Variants in EDC3 observed in about 807,000 individuals in gnomAD.
EDC3 encodes the protein enhancer of mRNA-decapping protein 3.
Under a neutral mutation model 41.8 loss-of-function variants are expected in EDC3, and 20 were observed. The observed-to-expected ratio is 0.48, with a 90% CI of 0.34 to 0.70. The LOEUF (loss-of-function observed/expected upper bound fraction) is 0.70. Among genes scored for constraint, EDC3 ranks in the 30% least tolerant of loss-of-function variants. EDC3 has a pLI of 0.01. For missense variants in EDC3, 444 were observed against 636.8 expected (o/e 0.70, Z 3.26); for synonymous variants, 206 against 243.2 (o/e 0.85, Z 1.42).
chr15:74,693,066 C>T (rs2141692056), intron 1 of EDC3: 1 of 152,284 alleles, frequency 6.6e-6, no homozygotes, highest in Non-Finnish European at 1.5e-5. Flanking sequence ...AGCAACACCA[C>T]CATATCTTCA....
At chr15:74,658,907 CCAGCCTGGGTGA>C (rs2141621891) in intron 3 of EDC3, among the ~76,000 whole-genome samples, 1 of 152,148 alleles carries the variant, frequency 6.6e-6, no homozygotes, top group Admixed American at 6.5e-5. Context: ...CCACTGCACT[CCAGCCTGGGTGA>C]CAGAGTGAGA....
At chr15:74,665,338 T>G (rs2062665478) in intron 3 of EDC3, among the ~76,000 whole-genome samples, 1 of 152,220 alleles carries the variant, frequency 6.6e-6, no homozygotes, top group Admixed American at 6.5e-5. Flanking sequence ...AGCTATCTAC[T>G]TTCATGTTCT....
intron 1 of EDC3, among the ~76,000 whole-genome samples, chr15:74,681,366 T>G (rs955074950): frequency 6.6e-6 from 1 of 152,074 alleles, no homozygotes; most frequent in Non-Finnish European, 1.5e-5. Context: ...TTCGCCAGGC[T>G]GGTCTTGAAC....
intron 3 of EDC3, among the ~76,000 whole-genome samples, chr15:74,660,233 G>A (rs1289934622): frequency 7.3e-5 from 11 of 151,062 alleles, no homozygotes; most frequent in East Asian, 5.9e-4. Flanking sequence ...GCAAAACCCC[G>A]TCTCTACTAA....
intron 3 of EDC3, among the ~76,000 whole-genome samples, chr15:74,663,112 C>T (rs987826861): frequency 6.6e-6 from 1 of 152,058 alleles, no homozygotes; most frequent in African/African-American, 2.4e-5. Context: ...CATGGTGAAA[C>T]CCTGTCTCTG....
At chr15:74,674,736 C>T (rs1285803992) in intron 2 of EDC3, 2 of 547,636 alleles carry the variant, frequency 3.7e-6, no homozygotes, top group African/African-American at 1.9e-5. Flanking sequence ...CAGTATAGGC[C>T]GGGCATGGTG....
chr15:74,640,755 G>T, intron 4 of EDC3, 136 bp from the exon 5 acceptor site: 1 of 1,077,666 alleles, frequency 9.3e-7, no homozygotes, highest in Non-Finnish European at 1.3e-6. Flanking sequence ...TCATCTTCCG[G>T]GACTAAGGCA....
intron 4 of EDC3, among the ~76,000 whole-genome samples, chr15:74,649,253 T>C (rs1385132298): frequency 1.3e-5 from 2 of 151,668 alleles, no homozygotes; most frequent in East Asian, 3.9e-4. Context: ...TTATTTTTAG[T>C]AGAGACGGGG....
intron 4 of EDC3, chr15:74,641,382 G>GT (rs1412774035): frequency 6.6e-6 from 1 of 152,490 alleles, no homozygotes; most frequent in African/African-American, 2.4e-5. Flanking sequence ...AAAATACTTG[G>GT]TTTTTCAAGG....
chr15:74,685,078 T>C (rs965993369), intron 1 of EDC3, among the ~76,000 whole-genome samples: 7 of 152,104 alleles, frequency 4.6e-5, no homozygotes, highest in Non-Finnish European at 1.0e-4. Context: ...TCAATCACTA[T>C]ATGAATTATC....
intron 1 of EDC3, among the ~76,000 whole-genome samples, chr15:74,693,846 T>C (rs2063035617): frequency 6.6e-6 from 1 of 151,890 alleles, no homozygotes; most frequent in South Asian, 2.1e-4. Context: ...TAGCCAGGCG[T>C]GGTGGTGCAT....
intron 1 of EDC3, among the ~76,000 whole-genome samples, chr15:74,684,084 G>GTT (rs58548595): frequency 0.039 from 4,033 of 102,996 alleles, 317 homozygotes; most frequent in African/African-American, 0.13. Flanking sequence ...TTTTGTTTCT[G>GTT]TTTTTTTTTT....
chr15:74,682,617 C>CAAAAAAA (rs61528385), intron 1 of EDC3, among the ~76,000 whole-genome samples: 1 of 60,588 alleles, frequency 1.7e-5, no homozygotes, highest in Non-Finnish European at 3.8e-5. Flanking sequence ...GACTCCATCT[C>CAAAAAAA]AAAAAAAAAA....
intron 1 of EDC3, among the ~76,000 whole-genome samples, chr15:74,687,763 T>C (rs2062955826): frequency 6.6e-6 from 1 of 152,214 alleles, no homozygotes; most frequent in African/African-American, 2.4e-5. Context: ...TTCTTTTCCC[T>C]TCCTGATCAA....
intron 1 of EDC3, among the ~76,000 whole-genome samples, chr15:74,687,523 G>A (rs1283143915): frequency 2.6e-5 from 4 of 152,010 alleles, no homozygotes; most frequent in Non-Finnish European, 5.9e-5. Context: ...GACTACAGGC[G>A]CCCGCCACCA....
At chr15:74,655,251 A>G (rs2062531526) in intron 4 of EDC3, among the ~76,000 whole-genome samples, 1 of 152,258 alleles carries the variant, frequency 6.6e-6, no homozygotes, top group Non-Finnish European at 1.5e-5. Context: ...CTGGGCTAAC[A>G]GGAGATAAGA....
At position 74,640,633 on chromosome 15, in the gene EDC3, G is replaced by T. The variant is rs1325993861; in HGVS notation, c.821-14C>A. The stretch of plus-strand genomic sequence containing the variant: ...CCAGGCCAGAGTCTGCAGTTCAAAA[G>T]GAGAAGAGAAAGGGAAAGTGACTAC... On this transcript the variant is annotated splice_polypyrimidine_tract_variant and intron_variant, in intron 4 of 6. Transcript: ENST00000315127. 1.2e-6 allele frequency: 2 copies of T among 1,614,100 alleles called. No individual in the cohort carries two copies. Among genetic ancestry groups the T allele is most frequent in the Middle Eastern group, 1.7e-4 (1 of 6,060 alleles).
intron 4 of EDC3, among the ~76,000 whole-genome samples, chr15:74,654,276 G>A (rs1193916765): frequency 2.0e-5 from 3 of 150,442 alleles, no homozygotes; most frequent in Non-Finnish European, 4.4e-5. Context: ...AAAAAATCCT[G>A]CAGTGTAAAT....
At chr15:74,688,338 A>G (rs903061071) in intron 1 of EDC3, among the ~76,000 whole-genome samples, 18 of 152,204 alleles carry the variant, frequency 1.2e-4, no homozygotes, top group African/African-American at 4.3e-4. Context: ...TTTATTTTCT[A>G]CTTTTCTATC....
Sources: allele counts gnomAD v4.1 joint callset (sites outside exome capture counted in the v4.1 genomes callset), GRCh38; gene constraint gnomAD v4.1.1; transcripts MANE v1.5; gene names NCBI Gene and HGNC (gene_info 2026-07-23, HGNC 2026-07-21).